Variants in CCDC81 observed in about 807,000 individuals in gnomAD.
CCDC81 encodes coiled-coil domain-containing protein 81.
In CCDC81, 79 loss-of-function variants were observed where a neutral mutation model predicts 83.7. The ratio of observed to expected loss-of-function variants is 0.94; its 90% CI spans 0.79 to 1.14. The LOEUF is 1.14. Ranked by LOEUF, CCDC81 falls within the 50% of genes most tolerant of loss-of-function variation. The pLI, the probability that CCDC81 is intolerant of heterozygous loss-of-function variation, is 0.00. For missense variants in CCDC81, 791 were observed against 778.1 expected (o/e 1.02, Z -0.20); for synonymous variants, 252 against 278.1 (o/e 0.91, Z 0.93).
rs138846402 is a variant in CCDC81, at chr11:86,388,500, C to T, written c.298+828C>T. 7.0e-3 allele frequency among the ~76,000 whole-genome samples: 1,071 copies of T among 152,192 alleles called. 9 individuals carry two copies. The highest frequency in any genetic ancestry group is 0.023 in the African/African-American group (937 of 41,526). ...TGGATAAATGGAGACAATCTATCTC[C>T]GATGGCAACAGGTGAAAAGGCTGAA... On this transcript the variant is annotated intron_variant, in intron 3 of 14. Transcript: ENST00000445632.
At chr11:86,388,799 C>G (rs898162695) in intron 3 of CCDC81, among the ~76,000 whole-genome samples, 1 of 149,258 alleles carries the variant, frequency 6.7e-6, no homozygotes, top group Non-Finnish European at 1.5e-5. Context: ...CATCAAAAAC[C>G]TATTAAAGAA....
intron 11 of CCDC81, among the ~76,000 whole-genome samples, chr11:86,414,021 T>C (rs1403523682): frequency 2.0e-5 from 3 of 152,266 alleles, no homozygotes; most frequent in Non-Finnish European, 4.4e-5. Context: ...TGTTCCATTA[T>C]ACTCACTTGA....
At chr11:86,396,514 A>G (rs1470917767) in intron 5 of CCDC81, among the ~76,000 whole-genome samples, 1 of 152,206 alleles carries the variant, frequency 6.6e-6, no homozygotes, top group African/African-American at 2.4e-5. Flanking sequence ...AAGTATGAGT[A>G]AAGTATAAAA....
Position 86,415,287 on chromosome 11 carries a change from G to A in CCDC81, c.1665G>A (p.Leu555=). 6.2e-7 allele frequency: 1 copy of A among 1,614,044 alleles called. No individual in the cohort carries two copies. Among genetic ancestry groups the A allele is most frequent in the Admixed American group, 1.7e-5 (1 of 60,014 alleles). Residue 555 remains leucine (L), a synonymous_variant, in exon 13 of 15, where the codon TTG becomes TTA. Coordinates refer to ENST00000445632, the MANE Select transcript of CCDC81 (RefSeq NM_001156474.2). ...AACTAGTGGACCAGAGGCGGGATTT[G>A]CAAATGCTTCAGAGGACACAAAGAG... ...LHQLVDQRRD[L]QMLQRTQREH... is the part of the protein sequence containing the mutation.
chr11:86,399,473 G>A (rs911715916), intron 6 of CCDC81, among the ~76,000 whole-genome samples: 1 of 152,024 alleles, frequency 6.6e-6, no homozygotes, highest in Non-Finnish European at 1.5e-5. Flanking sequence ...GCGCCACCAT[G>A]CCTGGCTAAT....
At position 86,422,891 on chromosome 11, in the gene CCDC81, C is replaced by T; in HGVS notation, c.*176C>T. ...AATTCACTCCTGCTTTCCTCCCACC[C>T]CCAATTATTTCCTATACTAGTTTCT... On this transcript the variant is annotated 3_prime_UTR_variant, in exon 15 of 15. Transcript: ENST00000445632. 2 of 635,920 alleles carry T rather than the reference C, an allele frequency of 3.1e-6. No individual in the cohort carries two copies. The highest frequency in any genetic ancestry group is 5.3e-6 in the Non-Finnish European group (2 of 375,868). 39.4% of individuals were successfully genotyped at this position (635,920 alleles called of 1,614,324 possible).
Position 86,422,620 on chromosome 11 carries a change from C to T in CCDC81, c.1864C>T (p.Arg622Cys), listed in dbSNP as rs1426222466. Residue 622 changes from arginine to cysteine, a missense_variant, in exon 15 of 15, where the codon CGC (arginine) becomes TGC (cysteine). Coordinates refer to ENST00000445632, the MANE Select transcript of CCDC81 (RefSeq NM_001156474.2). ...CCTAGACCAGTGTGAGAAGTATCGG[C>T]GCTGCAAGCAATGCCAGAGGCGCAC... is the stretch of plus-strand genomic sequence containing the variant. ...FLLDQCEKYR[R>C]CKQCQRRTSN... 2.5e-6 allele frequency: 4 copies of T among 1,613,940 alleles called. No individual in the cohort carries two copies. The highest frequency in any genetic ancestry group is 1.1e-5 in the South Asian group (1 of 91,076).
chr11:86,393,106 A>C (rs1045482019), intron 4 of CCDC81, among the ~76,000 whole-genome samples: 2 of 152,214 alleles, frequency 1.3e-5, no homozygotes, highest in Non-Finnish European at 2.9e-5. Context: ...TCCGTCACCC[A>C]GGCTGGAGTG....
intron 13 of CCDC81, among the ~76,000 whole-genome samples, chr11:86,415,620 A>C (rs1948708816): frequency 6.6e-6 from 1 of 152,232 alleles, no homozygotes; most frequent in Non-Finnish European, 1.5e-5. Flanking sequence ...AACCAATAGC[A>C]TATGAGAGTT....
Position 86,397,732 on chromosome 11 carries a change from A to C in CCDC81, c.747A>C (p.Glu249Asp). 1 of 1,613,016 alleles carries C rather than the reference A, an allele frequency of 6.2e-7. No individual in the cohort carries two copies. The highest frequency in any genetic ancestry group is 1.1e-5 in the South Asian group (1 of 90,862). ...CKLKDQSDKE[E>D]GTRDISSPKR... ...TAAAAGACCAGTCAGACAAAGAAGA[A>C]GGCACCAGAGGTAGGCCAATGATTT... The change falls in exon 6 of 15, where the codon GAA (glutamate) becomes GAC (aspartate). Residue 249 changes from glutamate to aspartate, a missense_variant. Physicochemically the swap from Glu to Asp is conservative, Grantham distance 45 (BLOSUM62 2). Coordinates refer to ENST00000445632, the MANE Select transcript of CCDC81 (RefSeq NM_001156474.2).
chr11:86,387,149 G>T (rs797002416), intron 2 of CCDC81, among the ~76,000 whole-genome samples: 13 of 152,308 alleles, frequency 8.5e-5, no homozygotes, highest in African/African-American at 3.1e-4. Context: ...AGATTCTCAT[G>T]CCCTCTTAAA....
At chr11:86,410,570 G>C (rs1378310361) in intron 10 of CCDC81, among the ~76,000 whole-genome samples, 3 of 152,182 alleles carry the variant, frequency 2.0e-5, no homozygotes, top group African/African-American at 7.2e-5. Flanking sequence ...GAAGGAAGGA[G>C]AGAGCGAGCG....
chr11:86,388,354 T>G, intron 3 of CCDC81, among the ~76,000 whole-genome samples: 1 of 152,160 alleles, frequency 6.6e-6, no homozygotes, highest in East Asian at 1.9e-4. Flanking sequence ...AGCTTTAGTG[T>G]GTGGGCTTCG....
intron 7 of CCDC81, among the ~76,000 whole-genome samples, chr11:86,403,115 A>C (rs1001729155): frequency 6.6e-6 from 1 of 150,444 alleles, no homozygotes; most frequent in African/African-American, 2.5e-5. Flanking sequence ...CGGTCTCTCA[A>C]AGTGCTGGGA....
At chr11:86,387,472 C>T in intron 2 of CCDC81, 44 bp from the exon 3 acceptor site, 3 of 1,577,444 alleles carry the variant, frequency 1.9e-6, no homozygotes, top group Admixed American at 3.5e-5. Flanking sequence ...ATTTTTTCTT[C>T]ACTCCTTCAA....
In CCDC81 at chr11:86,407,677, C is replaced by T. The variant is rs1471862913; in HGVS notation, c.945C>T (p.Cys315=). ...TGAAGCCCCAAACATCTCCAGCTTG[C>T]CAGGATCATAACAAGGCAGGACAGG... ...SEMKPQTSPA[C]QDHNKAGQEM... The change falls in exon 8 of 15, where the codon TGC becomes TGT. Residue 315 remains cysteine, a synonymous_variant. Transcript: ENST00000445632. 1.9e-6 allele frequency: 3 copies of T among 1,613,224 alleles called. No individual in the cohort carries two copies. Among genetic ancestry groups the T allele is most frequent in the Middle Eastern group, 1.6e-4 (1 of 6,084 alleles).
chr11:86,391,382 A>T (rs912523806), intron 3 of CCDC81, among the ~76,000 whole-genome samples: 2 of 152,216 alleles, frequency 1.3e-5, no homozygotes, highest in Admixed American at 6.5e-5. Flanking sequence ...GAATATTCTC[A>T]TCTTCTCTAT....
intron 6 of CCDC81, 94 bp downstream of exon 6, chr11:86,397,836 A>G: frequency 7.1e-7 from 1 of 1,399,548 alleles, no homozygotes; most frequent in Non-Finnish European, 9.5e-7. Context: ...TTAAATTTAC[A>G]AATAATCACT....
At chr11:86,414,157 T>C (rs947907446) in intron 11 of CCDC81, among the ~76,000 whole-genome samples, 8 of 152,180 alleles carry the variant, frequency 5.3e-5, no homozygotes, top group South Asian at 4.1e-4. Flanking sequence ...TGCTTTCTTA[T>C]GTAGATTTTT....
Sources: gnomAD v4.1 joint callset for allele counts (sites outside exome capture counted in the v4.1 genomes callset) on GRCh38, gnomAD v4.1.1 for gene constraint, MANE v1.5 for transcripts, NCBI Gene and HGNC (gene_info 2026-07-23, HGNC 2026-07-21) for gene names.